RIMS2: variants seen among roughly 807,000 people sequenced by gnomAD.
RIMS2 encodes regulating synaptic membrane exocytosis 2, also known as regulating synaptic membrane exocytosis protein 2.
In RIMS2, 59 loss-of-function variants were observed where a neutral mutation model predicts 174.4. The observed-to-expected ratio is 0.34, with a 90% CI of 0.27 to 0.42. The LOEUF is 0.42. RIMS2 is among the 10% of genes least tolerant of loss of function. RIMS2 has a pLI of 1.00. For missense variants in RIMS2, 1,620 were observed against 1,666.3 expected (o/e 0.97, Z 0.48); for synonymous variants, 606 against 572.5 (o/e 1.06, Z -0.84).
chr8:104,095,678 G>A (rs1273511891), intron 19 of RIMS2, among the ~76,000 whole-genome samples: 2 of 151,774 alleles, frequency 1.3e-5, no homozygotes, highest in African/African-American at 4.8e-5. Flanking sequence ...TGTAAATTAT[G>A]TACATTTTGG....
intron 19 of RIMS2, among the ~76,000 whole-genome samples, chr8:104,193,654 T>A (rs1369509752): frequency 6.6e-6 from 1 of 152,192 alleles, no homozygotes; most frequent in Non-Finnish European, 1.5e-5. Flanking sequence ...TATCAGTACA[T>A]CTAATATCAG....
intron 3 of RIMS2, among the ~76,000 whole-genome samples, chr8:103,830,184 G>T (rs937321788): frequency 3.3e-5 from 5 of 151,274 alleles, no homozygotes; most frequent in African/African-American, 1.2e-4. Context: ...TTTTTCTTTT[G>T]ATTTTGTTAC....
intron 19 of RIMS2, chr8:104,093,553 C>A (rs755151730): frequency 3.1e-6 from 5 of 1,596,628 alleles, no homozygotes; most frequent in Non-Finnish European, 3.4e-6. Context: ...GATATATCTG[C>A]GGTTTCAAGG....
intron 19 of RIMS2, among the ~76,000 whole-genome samples, chr8:104,084,916 A>G (rs1162261766): frequency 6.6e-6 from 1 of 152,186 alleles, no homozygotes; most frequent in Non-Finnish European, 1.5e-5. Context: ...GAGCAGTTAC[A>G]CACCCATATC....
chr8:103,878,279 C>T (rs538213543), intron 3 of RIMS2, among the ~76,000 whole-genome samples: 1 of 151,996 alleles, frequency 6.6e-6, no homozygotes, highest in Non-Finnish European at 1.5e-5. Flanking sequence ...ATTACCCAGT[C>T]TTAGGTATTT....
intron 1 of RIMS2, among the ~76,000 whole-genome samples, chr8:103,563,134 C>T (rs2091861848): frequency 6.6e-6 from 1 of 152,218 alleles, no homozygotes; most frequent in African/African-American, 2.4e-5. Context: ...TCTCCATTGT[C>T]TTGGTGATTA....
intron 19 of RIMS2, among the ~76,000 whole-genome samples, chr8:104,049,143 G>T (rs1440704943): frequency 1.4e-5 from 2 of 147,228 alleles, no homozygotes; most frequent in African/African-American, 5.0e-5. Flanking sequence ...AAAAAAAAAA[G>T]GCCGGGCGGT....
chr8:103,501,638 C>A lies in RIMS2; in HGVS notation c.176+576C>A, dbSNP rs530468661. ...CTAGGGGCCTAAGCTCTGTCGCGGT[C>A]GGGTGGGTGTGCGTCCGCCGCCATC... On this transcript the variant is annotated intron_variant, in intron 1 of 23. Transcript: ENST00000504942. 549 of 152,928 alleles carry A rather than the reference C, an allele frequency of 3.6e-3. 3 individuals are homozygous for A. The highest frequency in any genetic ancestry group is 5.7e-3 in the Non-Finnish European group (389 of 68,556). 9.5% of individuals were successfully genotyped at this position (152,928 alleles called of 1,614,324 possible).
chr8:103,959,047 T>C (rs766560252), intron 14 of RIMS2, among the ~76,000 whole-genome samples: 14 of 152,110 alleles, frequency 9.2e-5, no homozygotes, highest in Non-Finnish European at 1.6e-4. Flanking sequence ...GCACCCTGAT[T>C]TTGTGGGCCA....
intron 19 of RIMS2, among the ~76,000 whole-genome samples, chr8:104,156,478 C>A (rs532568387): frequency 1.3e-5 from 2 of 152,306 alleles, no homozygotes; most frequent in African/African-American, 4.8e-5. Context: ...TACTGCCACA[C>A]AGCATTAAGC....
At chr8:103,933,288 GACACACACACACACACACACACAC>G (rs55909886) in intron 12 of RIMS2, among the ~76,000 whole-genome samples, 7 of 119,704 alleles carry the variant, frequency 5.8e-5, no homozygotes, top group Non-Finnish European at 9.9e-5. Flanking sequence ...TCGAGACTCT[GACACACACACACACACACACACAC>G]ACACACACAC....
intron 1 of RIMS2, among the ~76,000 whole-genome samples, chr8:103,589,897 G>T (rs555573250): frequency 2.0e-5 from 3 of 151,382 alleles, no homozygotes; most frequent in Non-Finnish European, 4.4e-5. Flanking sequence ...TGGAACTCAT[G>T]GACATAGAGA....
rs1176305501 is a variant in RIMS2 at position 104,249,598 on chromosome 8, A to G, written c.3691+10A>G. 3 of 1,480,234 alleles carry G rather than the reference A, an allele frequency of 2.0e-6. No individual in the cohort carries two copies. In the African/African-American group the frequency reaches 4.2e-5, roughly 20 times the overall value. The allele number at this position is 1,480,234 out of a possible 1,614,324, so 91.7% of individuals were successfully genotyped here. On this transcript the variant is annotated intron_variant, in intron 22 of 23. Transcript: ENST00000504942. ...TCCAAGACACTGCCAGGTAAAAACA[A>G]AAGAGATTTTTCTATTATTGTCCAT...
chr8:103,795,906 C>G (rs1035771562), intron 3 of RIMS2, among the ~76,000 whole-genome samples: 1 of 152,144 alleles, frequency 6.6e-6, no homozygotes, highest in Admixed American at 6.6e-5. Flanking sequence ...ATTTCAAAAT[C>G]GAGACATTTA....
At chr8:103,904,291 C>T (rs968715290) in intron 4 of RIMS2, among the ~76,000 whole-genome samples, 4 of 152,012 alleles carry the variant, frequency 2.6e-5, no homozygotes, top group Admixed American at 6.6e-5. Context: ...TTATAAGTAG[C>T]ATTCCATGGT....
intron 1 of RIMS2, among the ~76,000 whole-genome samples, chr8:103,619,718 T>C (rs7841668): frequency 0.18 from 27,699 of 152,012 alleles, 2,770 homozygotes; most frequent in African/African-American, 0.26. Flanking sequence ...AGACCAACCA[T>C]TTTCTCGCTT....
At chr8:103,901,449 T>G (rs2099327447) in intron 4 of RIMS2, among the ~76,000 whole-genome samples, 3 of 152,290 alleles carry the variant, frequency 2.0e-5, no homozygotes, top group South Asian at 4.1e-4. Context: ...ATTGTTACCT[T>G]TATAATTAAC....
chr8:104,134,733 A>G (rs1238724259), intron 19 of RIMS2, among the ~76,000 whole-genome samples: 1 of 152,194 alleles, frequency 6.6e-6, no homozygotes, highest in Non-Finnish European at 1.5e-5. Flanking sequence ...CATCTTGAAC[A>G]TATCATTTTG....
At chr8:103,809,790 G>A (rs1195337749) in intron 3 of RIMS2, among the ~76,000 whole-genome samples, 1 of 152,100 alleles carries the variant, frequency 6.6e-6, no homozygotes, top group Non-Finnish European at 1.5e-5. Context: ...AGACTTAGAG[G>A]ACTGTGGAGG....
Sources: gnomAD v4.1 joint callset for allele counts (sites outside exome capture counted in the v4.1 genomes callset) on GRCh38, gnomAD v4.1.1 for gene constraint, MANE v1.5 for transcripts, NCBI Gene and HGNC (gene_info 2026-07-23, HGNC 2026-07-21) for gene names.